The following TRPM2 variants were observed in gnomAD, a reference collection of about 807,000 sequenced individuals.
TRPM2 encodes the protein estrogen-responsive element-associated gene 1 protein.
In TRPM2, 161 loss-of-function variants were observed where a neutral mutation model predicts 174.0. The observed-to-expected ratio is 0.93, with a 90% CI of 0.81 to 1.05. The LOEUF (loss-of-function observed/expected upper bound fraction) is 1.05. Among genes scored for constraint, TRPM2 ranks in the 50% least tolerant of loss-of-function variants. TRPM2 has a pLI of 0.00. For synonymous variants in TRPM2, 954 were observed against 861.3 expected (o/e 1.11, Z -1.88); for missense variants, 2,057 against 2,038.0 (o/e 1.01, Z -0.18).
upstream of TRPM2, among the ~76,000 whole-genome samples, chr21:44,351,290 C>A (rs141763076): frequency 4.3e-4 from 65 of 152,136 alleles, no homozygotes; most frequent in African/African-American, 1.5e-3. Context: ...CATGCGGGAC[C>A]CCCGGGGCTG....
intron 5 of TRPM2, among the ~76,000 whole-genome samples, chr21:44,371,728 G>C (rs1313943924): frequency 6.6e-6 from 1 of 152,234 alleles, no homozygotes; most frequent in Non-Finnish European, 1.5e-5. Flanking sequence ...CACTTACCGG[G>C]TCCATGAGCA....
At chr21:44,434,700 C>T (rs1005670922) in intron 27 of TRPM2, among the ~76,000 whole-genome samples, 8 of 152,092 alleles carry the variant, frequency 5.3e-5, no homozygotes, top group Non-Finnish European at 1.0e-4. Context: ...CACACGGACG[C>T]AGGGCCTCTG....
intron 7 of TRPM2, among the ~76,000 whole-genome samples, chr21:44,378,025 A>G (rs1377364357): frequency 6.6e-6 from 1 of 152,128 alleles, no homozygotes; most frequent in Non-Finnish European, 1.5e-5. Flanking sequence ...GCGTGGAAGG[A>G]AAGGGTGGGG....
chr21:44,425,879 G>A, intron 25 of TRPM2, 52 bp downstream of exon 25: 1 of 1,475,980 alleles, frequency 6.8e-7, no homozygotes, highest in South Asian at 1.4e-5. Flanking sequence ...CCCTGGGGAG[G>A]GGAGGGCGGC....
At chr21:44,371,329 C>T (rs1451465882) in intron 5 of TRPM2, among the ~76,000 whole-genome samples, 27 of 132,218 alleles carry the variant, frequency 2.0e-4, no homozygotes, top group African/African-American at 7.2e-4. Flanking sequence ...TGTCTGCCTC[C>T]GTGTCCCGTG....
At chr21:44,401,933 G>A in intron 16 of TRPM2, 36 bp downstream of exon 16, 1 of 1,611,654 alleles carries the variant, frequency 6.2e-7, no homozygotes, top group Middle Eastern at 1.7e-4. Context: ...CCCCAGCCCG[G>A]GGCCACCCAC....
intron 11 of TRPM2, among the ~76,000 whole-genome samples, chr21:44,395,194 G>A (rs1184693781): frequency 3.9e-5 from 6 of 152,246 alleles, no homozygotes; most frequent in African/African-American, 7.2e-5. Context: ...TTAGACGGGC[G>A]TTTCACTTTC....
In TRPM2 at chr21:44,420,581, G is replaced by C. The variant is rs114580745; in HGVS notation, c.3461+2026G>C. Among the ~76,000 whole-genome samples the C allele has an allele frequency of 3.4e-3, 512 of 152,340 alleles. 2 individuals carry two copies. The highest frequency in any genetic ancestry group is 0.012 in the African/African-American group (487 of 41,578). On this transcript the variant is annotated intron_variant, in intron 22 of 31. Coordinates refer to ENST00000397928, the MANE Select transcript of TRPM2 (RefSeq NM_003307.4). Reference sequence around the variant, plus strand: ...GAGGAGGGGGGCCTGGGGCCATGCAGTGCCCTGACAACCTTCTCTTACTTG... The same window carrying C: ...GAGGAGGGGGGCCTGGGGCCATGCACTGCCCTGACAACCTTCTCTTACTTG...
At chr21:44,383,449 G>T (rs943690362) in intron 9 of TRPM2, among the ~76,000 whole-genome samples, 1 of 152,194 alleles carries the variant, frequency 6.6e-6, no homozygotes, top group Non-Finnish European at 1.5e-5. Flanking sequence ...GATTCTGAAG[G>T]GCTCAGCAGA....
rs1404866004 is a variant in TRPM2, at chr21:44,432,492, G to A, written c.3975-2639G>A. ...ACAAGGCCAGATTCTGAGGTTCTGGGAAGGACATACATTTGTGGGCATTGT... is the reference window on the plus strand; with the variant it reads ...ACAAGGCCAGATTCTGAGGTTCTGGAAAGGACATACATTTGTGGGCATTGT... On this transcript the variant is annotated intron_variant, in intron 27 of 31. Transcript: ENST00000397928. The surrounding 1 kb of genome is among the most constrained non-coding windows in gnomAD (Gnocchi z 4.9). Among the ~76,000 whole-genome samples, 1 of 152,196 alleles carries A rather than the reference G, an allele frequency of 6.6e-6. No homozygotes were observed. The highest frequency in any genetic ancestry group is 2.4e-5 in the African/African-American group (1 of 41,440).
chr21:44,435,131 G>A lies in TRPM2; in HGVS notation c.3975G>A (p.Leu1325=), dbSNP rs760582835. ...GPYTVQAGLP[L]NPMGRTGLRG... is the part of the protein sequence containing the mutation. ...CTGACTCAACCCCTCTGCATCCCAG[G>A]AACCCCATGGGCCGCACAGGACTGC... The change falls in exon 28 of 32, where the codon CTG becomes CTA. Residue 1325 remains leucine, a splice_region_variant and synonymous_variant. Coordinates refer to ENST00000397928, the MANE Select transcript of TRPM2 (RefSeq NM_003307.4). 1.2e-6 allele frequency: 2 copies of A among 1,611,944 alleles called. No homozygotes were observed. The highest frequency in any genetic ancestry group is 4.5e-5 in the East Asian group (2 of 44,822).
chr21:44,373,801 T>C (rs944250024), intron 5 of TRPM2, among the ~76,000 whole-genome samples: 1 of 152,150 alleles, frequency 6.6e-6, no homozygotes, highest in Non-Finnish European at 1.5e-5. Flanking sequence ...CGGCTAAATC[T>C]TCAAGTTCAT....
chr21:44,429,704 G>A (rs1385672240), intron 27 of TRPM2, among the ~76,000 whole-genome samples: 1 of 152,024 alleles, frequency 6.6e-6, no homozygotes, highest in Non-Finnish European at 1.5e-5. Flanking sequence ...ATATAAATGT[G>A]TTTGTAGATT....
intron 5 of TRPM2, among the ~76,000 whole-genome samples, chr21:44,369,949 AGGTGGAGTGTGCGGGGGAGGC>A (rs1217945428): frequency 1.3e-5 from 1 of 75,774 alleles, no homozygotes; most frequent in African/African-American, 5.9e-5. Context: ...TGCGGGGAGC[AGGTGGAGTGTGCGGGGGAGGC>A]GGGGTGTGGG....
intron 5 of TRPM2, among the ~76,000 whole-genome samples, chr21:44,371,285 T>G (rs1402626077): frequency 7.2e-6 from 1 of 138,418 alleles, no homozygotes; most frequent in African/African-American, 2.8e-5. Flanking sequence ...CCCTCCAGTG[T>G]CTGCCTCCGT....
In TRPM2 at chr21:44,382,275, GGATA is replaced by G. The variant is rs548050902; in HGVS notation, c.1216-435_1216-432del. 2.6e-3 allele frequency among the ~76,000 whole-genome samples: 403 copies of G among 152,094 alleles called. 1 individual carries two copies. Among genetic ancestry groups the G allele is most frequent in the Non-Finnish European group, 5.0e-3 (343 of 67,978 alleles). ...TAGATAGATGGATAGATGCATAGAT[GGATA>G]GATAGATCAGATTATGTAGATAGAT... On this transcript the variant is annotated intron_variant, in intron 8 of 31. Transcript: ENST00000397928.
At position 44,440,983 on chromosome 21, in the gene TRPM2, G is replaced by C. The variant is rs998995832; in HGVS notation, c.4386+78G>C. 188 of 1,249,768 alleles carry C rather than the reference G, an allele frequency of 1.5e-4. 2 individuals carry two copies. In the East Asian group the frequency reaches 4.3e-3, roughly 28 times the overall value. 77.4% of individuals were successfully genotyped at this position (1,249,768 alleles called of 1,614,324 possible). On this transcript the variant is annotated intron_variant, in intron 31 of 31. Transcript: ENST00000397928. ...GGCGTGGCCTCCGGGGAGGGGGTTG[G>C]CAGGGATGGGGGTCTGGATTCTGGC...
Position 44,375,947 on chromosome 21 carries a change from G to A in TRPM2, c.886G>A (p.Gly296Arg), listed in dbSNP as rs559271467. ...GGACGACGGGACCCACGGCCAGTAC[G>A]GGGTGGAGATTCCTCTGAGGACCAG... is the stretch of plus-strand genomic sequence containing the variant. Reference protein sequence around the residue: ...LVDDGTHGQYGVEIPLRTRLE... With the variant: ...LVDDGTHGQYRVEIPLRTRLE... The change falls in exon 6 of 32, where the codon GGG becomes AGG. Residue 296 changes from glycine (G) to arginine (R), a missense_variant. Gly to Arg is a moderately radical substitution (Grantham distance 125). Coordinates refer to ENST00000397928, the MANE Select transcript of TRPM2 (RefSeq NM_003307.4). 1.4e-5 allele frequency: 23 copies of A among 1,614,090 alleles called. No individual in the cohort carries two copies. The highest frequency in any genetic ancestry group is 1.2e-4 in the South Asian group (11 of 91,090).
At position 44,401,663 on chromosome 21, in the gene TRPM2, C is replaced by T. The variant is rs777301723; in HGVS notation, c.2322-18C>T. On this transcript the variant is annotated intron_variant, in intron 15 of 31. Transcript: ENST00000397928. ...GGCCCTGGTGGTCACTGTCTCCTCT[C>T]TGCTGTGACGGCCGCAGGGAGAAGA... 2.5e-6 allele frequency: 4 copies of T among 1,610,598 alleles called. No individual in the cohort carries two copies. In the African/African-American group the frequency reaches 4.0e-5, roughly 16 times the overall value.
Sources: gnomAD v4.1 joint callset for allele counts (sites outside exome capture counted in the v4.1 genomes callset) on GRCh38, gnomAD v4.1.1 for gene constraint, Gnocchi (gnomAD v3.1) non-coding constraint, MANE v1.5 for transcripts, NCBI Gene and HGNC (gene_info 2026-07-23, HGNC 2026-07-21) for gene names.